RGS8: variants seen among roughly 807,000 people sequenced by gnomAD.
The protein encoded by RGS8 is regulator of G-protein signaling 8.
A neutral mutation model predicts 21.7 loss-of-function variants in RGS8; 8 were observed. The ratio of observed to expected loss-of-function variants is 0.37; its 90% CI spans 0.22 to 0.66. RGS8 has a LOEUF of 0.66. RGS8 is among the 30% of genes least tolerant of loss of function. The probability of loss-of-function intolerance (pLI) is 0.59; values close to 1 mark genes in which losing one functional copy is unlikely to be tolerated. For synonymous variants in RGS8, 80 were observed against 83.6 expected (o/e 0.96, Z 0.24); for missense variants, 157 against 217.9 (o/e 0.72, Z 1.76).
At chr1:182,736,158 G>A in the RGS8 span, among the ~76,000 whole-genome samples, 1 of 152,180 alleles carries the variant, frequency 6.6e-6, no homozygotes. Context: ...AAGTTACCCT[G>A]AAGATAAAAC....
chr1:182,642,713 G>C (rs1276558583), downstream of RGS8: 1 of 152,264 alleles, frequency 6.6e-6, no homozygotes, highest in East Asian at 1.9e-4. Flanking sequence ...CACAGCTTTG[G>C]TTTATTCAGA....
Position 182,664,264 on chromosome 1 carries a change from T to C in RGS8, c.193+1705A>G, listed in dbSNP as rs192678899. Among the ~76,000 whole-genome samples, 12 of 151,156 alleles carry C rather than the reference T, an allele frequency of 7.9e-5. No homozygotes were observed. In the East Asian group the frequency reaches 2.1e-3, roughly 27 times the overall value. ...TCTCAAGGCACATTTATTTTGCATT[T>C]GATAAATAAAAGTATCATTTAAAAA... On this transcript the variant is annotated intron_variant, in intron 5 of 6. Coordinates refer to ENST00000483095, the Ensembl canonical transcript of RGS8.
chr1:182,740,164 G>A, the RGS8 span, among the ~76,000 whole-genome samples: 1 of 152,202 alleles, frequency 6.6e-6, no homozygotes, highest in Non-Finnish European at 1.5e-5. Context: ...TTGTGTTGCA[G>A]TCCAAGGATG....
the RGS8 span, among the ~76,000 whole-genome samples, chr1:182,717,127 A>C: frequency 3.3e-5 from 5 of 152,220 alleles, no homozygotes; most frequent in Non-Finnish European, 7.3e-5. Flanking sequence ...CTAGAGCTTT[A>C]CAGAATACTT....
the RGS8 span, among the ~76,000 whole-genome samples, chr1:182,697,566 C>T: frequency 4.6e-5 from 7 of 152,332 alleles, no homozygotes; most frequent in South Asian, 1.4e-3. Flanking sequence ...AATCAAAATT[C>T]TGATACCCGG....
chr1:182,690,498 T>G, the RGS8 span, among the ~76,000 whole-genome samples: 2 of 152,226 alleles, frequency 1.3e-5, no homozygotes, highest in African/African-American at 4.8e-5. Context: ...TATTTATCAG[T>G]ATCTAGCTCT....
chr1:182,672,852 CAGA>C (rs780350043), upstream of RGS8: 88 of 1,614,018 alleles, frequency 5.5e-5, no homozygotes, highest in Non-Finnish European at 7.3e-5. Flanking sequence ...GCTTCAGTTC[CAGA>C]AGGAGGACTC....
At chr1:182,702,104 C>G in the RGS8 span, among the ~76,000 whole-genome samples, 7 of 152,310 alleles carry the variant, frequency 4.6e-5, no homozygotes, top group East Asian at 1.4e-3. Flanking sequence ...GAAAATAAAT[C>G]ATTCTGCTAA....
the RGS8 span, among the ~76,000 whole-genome samples, chr1:182,740,054 T>A: frequency 6.6e-6 from 1 of 152,216 alleles, no homozygotes; most frequent in South Asian, 2.1e-4. Context: ...CAGAGATTCA[T>A]ATGGAATTGT....
chr1:182,646,691 G>A (rs1662716544), exon 7 of RGS8: 2 of 1,540,848 alleles, frequency 1.3e-6, no homozygotes, highest in Middle Eastern at 1.7e-4. Context: ...TTGGCAGCAA[G>A]TGGAGGGGAA....
upstream of RGS8, among the ~76,000 whole-genome samples, chr1:182,674,332 T>G (rs928274440): frequency 6.6e-6 from 1 of 152,030 alleles, no homozygotes; most frequent in Non-Finnish European, 1.5e-5. Flanking sequence ...AAGAAGTCAA[T>G]AAGTCCAATG....
chr1:182,736,489 G>T, the RGS8 span, among the ~76,000 whole-genome samples: 1 of 152,132 alleles, frequency 6.6e-6, no homozygotes, highest in Non-Finnish European at 1.5e-5. Context: ...ATTGGGTTAG[G>T]CCTGGATATC....
At chr1:182,722,703 G>A in the RGS8 span, among the ~76,000 whole-genome samples, 3 of 152,086 alleles carry the variant, frequency 2.0e-5, no homozygotes, top group Non-Finnish European at 4.4e-5. Context: ...CAGGCCGGGC[G>A]TGGTGGCTCA....
At chr1:182,719,998 C>G in the RGS8 span, among the ~76,000 whole-genome samples, 1 of 152,188 alleles carries the variant, frequency 6.6e-6, no homozygotes, top group Non-Finnish European at 1.5e-5. Flanking sequence ...TGTTTCTGAG[C>G]TATCCACATA....
At chr1:182,644,970 G>A (rs1049385000), downstream of RGS8, 6 of 152,292 alleles carry the variant, frequency 3.9e-5, no homozygotes, top group South Asian at 4.1e-4. Flanking sequence ...GGTTCACACA[G>A]TCACACCCAC....
At chr1:182,728,962 C>T in the RGS8 span, among the ~76,000 whole-genome samples, 1 of 152,134 alleles carries the variant, frequency 6.6e-6, no homozygotes, top group African/African-American at 2.4e-5. Context: ...GTGTCACAAA[C>T]CTGCACATCC....
chr1:182,751,893 C>T, the RGS8 span, among the ~76,000 whole-genome samples: 2 of 152,172 alleles, frequency 1.3e-5, no homozygotes. Context: ...ATTTGGCCTA[C>T]AATATTGGGT....
the RGS8 span, among the ~76,000 whole-genome samples, chr1:182,742,407 TAGCG>T: frequency 6.6e-6 from 1 of 151,890 alleles, no homozygotes; most frequent in Admixed American, 6.6e-5. Flanking sequence ...GTGGAGGTTG[TAGCG>T]AGCCGAGATC....
chr1:182,735,195 T>TC, the RGS8 span, among the ~76,000 whole-genome samples: 1 of 152,204 alleles, frequency 6.6e-6, no homozygotes, highest in Non-Finnish European at 1.5e-5. Context: ...GTGAATTTTT[T>TC]TTAAAAGCAC....
Sources: allele counts gnomAD v4.1 joint callset (sites outside exome capture counted in the v4.1 genomes callset), GRCh38; gene constraint gnomAD v4.1.1; transcripts MANE v1.5; gene names NCBI Gene and HGNC (gene_info 2026-07-23, HGNC 2026-07-21).